Variants in SLC6A18 observed in about 807,000 individuals in gnomAD.
The protein encoded by SLC6A18 is solute carrier family 6 member 18.
In SLC6A18, 58 loss-of-function variants were observed where a neutral mutation model predicts 62.9. The observed-to-expected ratio is 0.92, with a 90% CI of 0.75 to 1.15. SLC6A18 has a LOEUF of 1.15. Ranked by LOEUF, SLC6A18 falls within the 50% of genes most tolerant of loss-of-function variation. The pLI is 0.00. For synonymous variants in SLC6A18, 382 were observed against 365.8 expected, an observed-to-expected ratio of 1.04 and a Z score of -0.51; for missense variants, 793 against 836.6, an observed-to-expected ratio of 0.95 and a Z score of 0.64.
At chr5:1,227,516 G>T (rs542707258) in intron 1 of SLC6A18, among the ~76,000 whole-genome samples, 2 of 152,200 alleles carry the variant, frequency 1.3e-5, no homozygotes, top group Non-Finnish European at 2.9e-5. Context: ...ACTTTGTCTC[G>T]CTGTGAGGAT....
In SLC6A18 at chr5:1,243,675, A is replaced by C. The variant is rs1372925633; in HGVS notation, c.1252A>C (p.Met418Leu). Residue 418 changes from methionine to leucine, a missense_variant, in exon 9 of 12, where the codon ATG (methionine) becomes CTG (leucine). Transcript: ENST00000324642. This position sits in a 1 kb window ranked among gnomAD's most constrained non-coding sequence, Gnocchi z 6.5. ...GCTGTTCACCTTGGGGCTATCGACCATGTTCGGGACCGTGGAGGCGGTCAT... is the reference window on the plus strand; with the variant it reads ...GCTGTTCACCTTGGGGCTATCGACCCTGTTCGGGACCGTGGAGGCGGTCAT... Reference protein sequence around the residue: ...GMLFTLGLSTMFGTVEAVITP... With the variant: ...GMLFTLGLSTLFGTVEAVITP... The C allele has an allele frequency of 6.2e-7, 1 of 1,614,034 alleles. No individual in the cohort carries two copies.
intron 4 of SLC6A18, among the ~76,000 whole-genome samples, chr5:1,237,421 G>A (rs115135813): frequency 0.01 from 1,590 of 152,152 alleles, 24 homozygotes; most frequent in African/African-American, 0.036. Flanking sequence ...TGGGCAGAAG[G>A]GGTACAGGGT....
intron 1 of SLC6A18, among the ~76,000 whole-genome samples, chr5:1,226,689 T>C (rs913308175): frequency 6.6e-6 from 1 of 152,084 alleles, no homozygotes; most frequent in Admixed American, 6.5e-5. Context: ...CTGGAGAGGG[T>C]GCATTGGGCC....
In SLC6A18 at chr5:1,235,646, T is replaced by C. The variant is rs779398153; in HGVS notation, c.605T>C (p.Ile202Thr). 2.5e-6 allele frequency: 4 copies of C among 1,613,976 alleles called. No individual in the cohort carries two copies. In the South Asian group the frequency reaches 4.4e-5, roughly 18 times the overall value. ...AVVYMCVIRG[I>T]ETTGKVIYFT... ...GTGTACATGTGTGTCATCAGGGGCA[T>C]TGAGACTACAGGGAAGGTGAGAGCT... Residue 202 changes from isoleucine (I) to threonine (T), a missense_variant, in exon 4 of 12, where the codon ATT (isoleucine) becomes ACT (threonine). Coordinates refer to ENST00000324642, the MANE Select transcript of SLC6A18 (RefSeq NM_182632.3).
Position 1,225,513 on chromosome 5 carries a change from C to A in SLC6A18, c.36C>A (p.Cys12Ter), listed in dbSNP as rs143864547. 1.8e-4 allele frequency: 284 copies of A among 1,613,208 alleles called. No homozygotes were observed. Among genetic ancestry groups the A allele is most frequent in the Middle Eastern group, 1.7e-4 (1 of 6,004 alleles). Residue 12 changes from cysteine (C) to a stop codon, truncating the protein, a stop_gained, in exon 1 of 12, where the codon TGC (cysteine) becomes TGA (stop). Coordinates refer to ENST00000324642, the MANE Select transcript of SLC6A18 (RefSeq NM_182632.3). LOFTEE classifies it high-confidence loss of function. ...CCCCAGAACCGGACCCGGCCGCCTG[C>A]GACCTCGGGGATGAGAGGCCCAAGT... ...AHAPEPDPAA[C>*]DLGDERPKWD...
At chr5:1,226,600 GC>G (rs1344045310) in intron 1 of SLC6A18, among the ~76,000 whole-genome samples, 6 of 152,184 alleles carry the variant, frequency 3.9e-5, no homozygotes, top group Non-Finnish European at 7.3e-5. Context: ...TGCAGGAAAT[GC>G]GCACAAATGG....
chr5:1,227,288 GA>G (rs1357536374), intron 1 of SLC6A18, among the ~76,000 whole-genome samples: 1 of 152,234 alleles, frequency 6.6e-6, no homozygotes, highest in African/African-American at 2.4e-5. Context: ...CAAAGCTGGG[GA>G]GGCCCCCACC....
chr5:1,237,503 A>C (rs1746914798), intron 4 of SLC6A18, among the ~76,000 whole-genome samples: 1 of 152,138 alleles, frequency 6.6e-6, no homozygotes, highest in African/African-American at 2.4e-5. Context: ...TGAGAACTCG[A>C]GAGTGGACAG....
chr5:1,244,496 T>C (rs1299080783), intron 10 of SLC6A18, 112 bp from the exon 11 acceptor site: 14 of 1,548,116 alleles, frequency 9.0e-6, no homozygotes, highest in Non-Finnish European at 1.1e-5. Context: ...CCTGGGGAGC[T>C]GCCGAGGCAC....
chr5:1,232,247 G>A lies in SLC6A18; in HGVS notation c.189G>A (p.Ala63=), dbSNP rs377334984. The A allele has an allele frequency of 1.4e-5, 23 of 1,612,624 alleles. No homozygotes were observed. The highest frequency in any genetic ancestry group is 2.2e-5 in the South Asian group (2 of 90,780). ...GGAFLIPYVI[A]LVFEGIPIFH... ...CCTTCCTCATCCCCTACGTCATCGC[G>A]CTGGTCTTCGAGGGGATCCCCATTT... Residue 63 remains alanine (A), a synonymous_variant, in exon 2 of 12, where the codon GCG becomes GCA. Coordinates refer to ENST00000324642, the MANE Select transcript of SLC6A18 (RefSeq NM_182632.3).
Position 1,232,197 on chromosome 5 carries a change from G to A in SLC6A18, c.161-22G>A. 7 of 1,604,324 alleles carry A rather than the reference G, an allele frequency of 4.4e-6. No homozygotes were observed. The South Asian group carries it at 4.5e-5, about 10-fold the overall frequency. On this transcript the variant is annotated intron_variant, in intron 1 of 11. Coordinates refer to ENST00000324642, the MANE Select transcript of SLC6A18 (RefSeq NM_182632.3). ...CCCCAGCCCCCGACCCTGGGCAGGTGCTGACCACCCCCTCCTCACAGGGGC... is the reference window on the plus strand; with the variant it reads ...CCCCAGCCCCCGACCCTGGGCAGGTACTGACCACCCCCTCCTCACAGGGGC...
intron 5 of SLC6A18, among the ~76,000 whole-genome samples, chr5:1,238,979 G>A (rs966852433): frequency 9.2e-5 from 14 of 152,242 alleles, no homozygotes; most frequent in African/African-American, 3.4e-4. Flanking sequence ...TGGTGTGGGA[G>A]TGGGCACCTG....
intron 4 of SLC6A18, among the ~76,000 whole-genome samples, chr5:1,237,647 C>T (rs1746920290): frequency 6.6e-6 from 1 of 152,146 alleles, no homozygotes; most frequent in African/African-American, 2.4e-5. Flanking sequence ...GACCCCTCTT[C>T]AGGGCCCAGC....
intron 4 of SLC6A18, among the ~76,000 whole-genome samples, 155 bp from the exon 5 acceptor site, chr5:1,237,795 C>T (rs761094608): frequency 6.6e-6 from 1 of 152,166 alleles, no homozygotes. Context: ...ACCCCACCAT[C>T]CCCCAAGGTG....
intron 5 of SLC6A18, among the ~76,000 whole-genome samples, chr5:1,239,211 C>T (rs1208047027): frequency 2.6e-5 from 4 of 152,240 alleles, no homozygotes; most frequent in Non-Finnish European, 5.9e-5. Flanking sequence ...CTCATGTGCG[C>T]CTGACAGCCA....
chr5:1,233,902 T>C (rs181215940), intron 3 of SLC6A18, among the ~76,000 whole-genome samples: 17,306 of 152,032 alleles, frequency 0.11, 1,200 homozygotes, highest in South Asian at 0.19. Flanking sequence ...CCACCAGGCC[T>C]GGCTAATTTT....
chr5:1,239,370 G>A lies in SLC6A18; in HGVS notation c.733-80G>A, dbSNP rs1579531802. 3 of 1,074,032 alleles carry A rather than the reference G, an allele frequency of 2.8e-6. No homozygotes were observed. The East Asian group carries it at 7.1e-5, about 25-fold the overall frequency. The allele number at this position is 1,074,032 out of a possible 1,614,324, so 66.5% of individuals were successfully genotyped here. ...TCACGAGTGTCCCCAAAGCCACCTT[G>A]GGAACGTTCTGGAACAGTCAGGGCC... On this transcript the variant is annotated intron_variant, in intron 5 of 11. Coordinates refer to ENST00000324642, the MANE Select transcript of SLC6A18 (RefSeq NM_182632.3).
Position 1,238,894 on chromosome 5 carries a change from C to T in SLC6A18, c.733-556C>T, listed in dbSNP as rs148609843. ...CCAGCGCCTGCTCCAGGAGCCTGCACGGCTTCTAGAGCATTCTGTACTATC... is the reference window on the plus strand; with the variant it reads ...CCAGCGCCTGCTCCAGGAGCCTGCATGGCTTCTAGAGCATTCTGTACTATC... On this transcript the variant is annotated intron_variant, in intron 5 of 11. Transcript: ENST00000324642. Among the ~76,000 whole-genome samples, 675 of 152,320 alleles carry T rather than the reference C, an allele frequency of 4.4e-3. 11 individuals carry two copies. In the East Asian group the frequency reaches 0.054, roughly 12 times the overall value.
chr5:1,246,124 T>G lies in SLC6A18; in HGVS notation c.*46T>G. 1 of 1,480,380 alleles carries G rather than the reference T, an allele frequency of 6.8e-7. No individual in the cohort carries two copies. Among genetic ancestry groups the G allele is most frequent in the Non-Finnish European group, 8.9e-7 (1 of 1,119,010 alleles). 91.7% of individuals were successfully genotyped at this position (1,480,380 alleles called of 1,614,324 possible). ...GCATGGGCGGGTCTGTGGGGGGGCTTGGCCTGATGGTGGGCGGGGCCCCGC... is the reference window on the plus strand; with the variant it reads ...GCATGGGCGGGTCTGTGGGGGGGCTGGGCCTGATGGTGGGCGGGGCCCCGC... On this transcript the variant is annotated 3_prime_UTR_variant, in exon 12 of 12. Coordinates refer to ENST00000324642, the MANE Select transcript of SLC6A18 (RefSeq NM_182632.3).
Sources: gnomAD v4.1 joint callset for allele counts (sites outside exome capture counted in the v4.1 genomes callset) on GRCh38, gnomAD v4.1.1 for gene constraint, Gnocchi (gnomAD v3.1) non-coding constraint, MANE v1.5 for transcripts, NCBI Gene and HGNC (gene_info 2026-07-23, HGNC 2026-07-21) for gene names.